Variants in CMIP observed in about 807,000 individuals in gnomAD.
The protein encoded by CMIP is C-Maf-inducing protein.
Under a neutral mutation model 97.3 loss-of-function variants are expected in CMIP, and 13 were observed. The ratio of observed to expected loss-of-function variants is 0.13; its 90% confidence interval spans 0.09 to 0.21. The LOEUF (loss-of-function observed/expected upper bound fraction) is 0.21, where lower values mean the gene tolerates loss of function less well. Among genes scored for constraint, CMIP ranks in the 10% least tolerant of loss-of-function variants. The probability of loss-of-function intolerance (pLI) is 1.00; values close to 1 mark genes in which losing one functional copy is unlikely to be tolerated. For missense variants in CMIP, 847 were observed against 1,024.9 expected (o/e 0.83, Z 2.37); for synonymous variants, 538 against 436.3 (o/e 1.23, Z -2.91).
intron 1 of CMIP, among the ~76,000 whole-genome samples, chr16:81,532,160 C>T (rs1040681826): frequency 1.2e-4 from 19 of 152,182 alleles, no homozygotes; most frequent in African/African-American, 3.9e-4. Context: ...GAAGTGTTTC[C>T]GCTGCTTTCA....
At chr16:81,606,239 G>T (rs537008909) in intron 1 of CMIP, among the ~76,000 whole-genome samples, 82 of 152,286 alleles carry the variant, frequency 5.4e-4, no homozygotes, top group Non-Finnish European at 1.0e-3. Flanking sequence ...GGCAAATCAC[G>T]TGACCTCCTG....
At chr16:81,460,051 C>A (rs1906810439) in intron 1 of CMIP, among the ~76,000 whole-genome samples, 1 of 152,188 alleles carries the variant, frequency 6.6e-6, no homozygotes, top group African/African-American at 2.4e-5. Flanking sequence ...GGCACTGAGT[C>A]CCCACAAGGC....
intron 10 of CMIP, among the ~76,000 whole-genome samples, chr16:81,683,756 C>CTTTTTTTTTTTTTTTTTTTTTTTTTTTTT (rs71272426): frequency 1.2e-5 from 1 of 81,612 alleles, no homozygotes; most frequent in Non-Finnish European, 2.3e-5. Context: ...TTTTCTTTTT[C>CTTTTTTTTTTTTTTTTTTTTTTTTTTTTT]TTTTTTTTTT....
chr16:81,483,427 A>G (rs1329603366), intron 1 of CMIP, among the ~76,000 whole-genome samples: 1 of 152,144 alleles, frequency 6.6e-6, no homozygotes, highest in Non-Finnish European at 1.5e-5. Flanking sequence ...GTGGGGTCAG[A>G]TGGTGTAGGG....
At chr16:81,452,607 G>GGGAAGAGCGTTCCAGGT (rs1906289044) in intron 1 of CMIP, among the ~76,000 whole-genome samples, 1 of 152,144 alleles carries the variant, frequency 6.6e-6, no homozygotes, top group Non-Finnish European at 1.5e-5. Context: ...GACTTCCAGG[G>GGGAAGAGCGTTCCAGGT]GGAAGAGCGT....
At chr16:81,467,533 C>G (rs1381471351) in intron 1 of CMIP, among the ~76,000 whole-genome samples, 1 of 151,940 alleles carries the variant, frequency 6.6e-6, no homozygotes, top group Non-Finnish European at 1.5e-5. Context: ...AGTGTTTTTA[C>G]TTTTCCTGGC....
intron 1 of CMIP, among the ~76,000 whole-genome samples, chr16:81,592,501 G>A (rs1161337164): frequency 6.6e-6 from 1 of 152,148 alleles, no homozygotes; most frequent in Admixed American, 6.5e-5. Context: ...CCTTTGTACC[G>A]GACCCTCCTC....
intron 20 of CMIP, among the ~76,000 whole-genome samples, chr16:81,708,066 G>A (rs1026812724): frequency 6.6e-6 from 1 of 152,264 alleles, no homozygotes; most frequent in Non-Finnish European, 1.5e-5. Context: ...GGACACCGAG[G>A]TGTGGCTGCC....
chr16:81,662,296 A>T (rs1447946447), intron 6 of CMIP, among the ~76,000 whole-genome samples: 2 of 152,198 alleles, frequency 1.3e-5, no homozygotes, highest in Non-Finnish European at 2.9e-5. Context: ...TTGTTGTAGA[A>T]CAAGATACAC....
intron 1 of CMIP, among the ~76,000 whole-genome samples, chr16:81,600,275 GAAA>G (rs71146022): frequency 4.0e-4 from 33 of 81,664 alleles, no homozygotes; most frequent in African/African-American, 1.3e-3. Context: ...GACTCCATCT[GAAA>G]AAAAAAAAAA....
At chr16:81,558,287 C>T (rs1364421085) in intron 1 of CMIP, among the ~76,000 whole-genome samples, 2 of 152,128 alleles carry the variant, frequency 1.3e-5, no homozygotes, top group South Asian at 2.1e-4. Flanking sequence ...TCAGCAGACA[C>T]GAGGCTGCTT....
intron 10 of CMIP, among the ~76,000 whole-genome samples, chr16:81,682,084 T>G (rs1162924160): frequency 6.6e-6 from 1 of 152,084 alleles, no homozygotes; most frequent in Non-Finnish European, 1.5e-5. Flanking sequence ...GCGCCTGTAG[T>G]CCCAGCTACT....
At chr16:81,558,853 C>T (rs900531563) in intron 1 of CMIP, among the ~76,000 whole-genome samples, 6 of 152,242 alleles carry the variant, frequency 3.9e-5, no homozygotes, top group Admixed American at 1.3e-4. Context: ...CTCCCGCCTG[C>T]AGCCATCCTG....
intron 20 of CMIP, among the ~76,000 whole-genome samples, chr16:81,708,701 A>G (rs551668294): frequency 6.6e-6 from 1 of 152,158 alleles, no homozygotes; most frequent in Non-Finnish European, 1.5e-5. Flanking sequence ...AGACCTTCCC[A>G]TTTTTCAAGA....
chr16:81,667,425 C>G (rs1416839705), intron 7 of CMIP: 1 of 152,164 alleles, frequency 6.6e-6, no homozygotes, highest in African/African-American at 2.4e-5. Context: ...GCTGTGGTCC[C>G]CAGTGGACCG....
intron 1 of CMIP, among the ~76,000 whole-genome samples, chr16:81,587,331 G>A (rs996590510): frequency 6.6e-6 from 1 of 152,228 alleles, no homozygotes; most frequent in Non-Finnish European, 1.5e-5. Context: ...TATATGATGA[G>A]TATGTTTGGT....
chr16:81,571,108 G>C (rs1040741046), intron 1 of CMIP, among the ~76,000 whole-genome samples: 5 of 152,154 alleles, frequency 3.3e-5, no homozygotes, highest in African/African-American at 1.2e-4. Flanking sequence ...ATGCGTATGG[G>C]AACTCTAGGT....
intron 3 of CMIP, among the ~76,000 whole-genome samples, chr16:81,646,303 GA>G (rs1374984417): frequency 2.0e-5 from 3 of 151,996 alleles, no homozygotes; most frequent in African/African-American, 7.3e-5. Flanking sequence ...CAGATGGATG[GA>G]TGTGTGGGTG....
chr16:81,495,385 G>A, intron 1 of CMIP: 5 of 1,542,040 alleles, frequency 3.2e-6, no homozygotes, highest in African/African-American at 1.4e-5. Flanking sequence ...TGGCATAACC[G>A]TTTGAGAACA....
Sources: gnomAD v4.1 joint callset for allele counts (sites outside exome capture counted in the v4.1 genomes callset) on GRCh38, gnomAD v4.1.1 for gene constraint, MANE v1.5 for transcripts, NCBI Gene and HGNC (gene_info 2026-07-23, HGNC 2026-07-21) for gene names.